The following ERC2 variants were observed in gnomAD, a reference collection of about 807,000 sequenced individuals.
ERC2 encodes ELKS/RAB6-interacting/CAST family member 2, also known as ERC protein 2.
ERC2 carries 42 observed loss-of-function variants against 114.8 expected under a neutral mutation model. That is an observed-to-expected ratio of 0.37 (90% CI 0.29 to 0.47). ERC2 has a LOEUF of 0.47. Among genes scored for constraint, ERC2 ranks in the 20% least tolerant of loss-of-function variants. The pLI, the probability that ERC2 is intolerant of heterozygous loss-of-function variation, is 0.99. For missense variants in ERC2, 939 were observed against 1,150.7 expected (o/e 0.82, Z 2.66); for synonymous variants, 454 against 425.5 (o/e 1.07, Z -0.82).
intron 4 of ERC2, among the ~76,000 whole-genome samples, chr3:56,164,171 G>A (rs2082202737): frequency 1.3e-5 from 2 of 151,912 alleles, no homozygotes; most frequent in South Asian, 4.2e-4. Context: ...GTATAATTTA[G>A]AGGTTTCTGC....
chr3:55,630,353 G>GA (rs2059700356), intron 17 of ERC2, among the ~76,000 whole-genome samples: 1 of 152,110 alleles, frequency 6.6e-6, no homozygotes, highest in Non-Finnish European at 1.5e-5. Flanking sequence ...ATTTTTAGTA[G>GA]AGACGGGGTT....
At chr3:55,669,782 A>G (rs957051030) in intron 17 of ERC2, among the ~76,000 whole-genome samples, 6 of 152,226 alleles carry the variant, frequency 3.9e-5, no homozygotes, top group Non-Finnish European at 5.9e-5. Context: ...CATAGCATGA[A>G]GTCTCCAGGG....
At chr3:56,047,033 C>T (rs571615117) in intron 7 of ERC2, among the ~76,000 whole-genome samples, 1 of 152,320 alleles carries the variant, frequency 6.6e-6, no homozygotes, top group South Asian at 2.1e-4. Flanking sequence ...CTGAAGAAAA[C>T]ATAAACCCGG....
At chr3:56,254,621 T>C (rs540624292) in intron 3 of ERC2, among the ~76,000 whole-genome samples, 1 of 152,340 alleles carries the variant, frequency 6.6e-6, no homozygotes, top group East Asian at 1.9e-4. Flanking sequence ...TGTGCTCTTA[T>C]TATGTATGTG....
At chr3:55,831,577 G>A (rs1388000400) in intron 14 of ERC2, among the ~76,000 whole-genome samples, 3 of 152,154 alleles carry the variant, frequency 2.0e-5, no homozygotes, top group Admixed American at 2.0e-4. Context: ...ATCATATCAA[G>A]GATTATAATA....
intron 3 of ERC2, among the ~76,000 whole-genome samples, chr3:56,190,493 G>C (rs1037504287): frequency 6.6e-6 from 1 of 152,184 alleles, no homozygotes; most frequent in African/African-American, 2.4e-5. Flanking sequence ...GAGTACAGTG[G>C]TGCAATCATA....
intron 9 of ERC2, among the ~76,000 whole-genome samples, chr3:56,008,211 TA>T (rs1329947709): frequency 3.3e-5 from 5 of 152,160 alleles, no homozygotes; most frequent in Non-Finnish European, 7.4e-5. Flanking sequence ...GGTCTCTCTG[TA>T]AACAACGTTG....
chr3:56,302,399 C>T lies in ERC2; in HGVS notation c.658-5964G>A, dbSNP rs980028278. ...ACCGGGTCCTATCCAGTAGTTAAAT[C>T]ACATGGAATGATCCAAGGACAATTT... On this transcript the variant is annotated intron_variant, in intron 2 of 17. Coordinates refer to ENST00000288221, the MANE Select transcript of ERC2 (RefSeq NM_015576.3). 7.9e-5 allele frequency among the ~76,000 whole-genome samples: 12 copies of T among 152,300 alleles called. No individual in the cohort carries two copies. In the East Asian group the frequency reaches 2.1e-3, roughly 27 times the overall value.
intron 4 of ERC2, among the ~76,000 whole-genome samples, chr3:56,167,646 GAAGA>G (rs2082392376): frequency 6.6e-6 from 1 of 152,062 alleles, no homozygotes; most frequent in Admixed American, 6.6e-5. Flanking sequence ...TGGAAAATGA[GAAGA>G]TAGAGAAATT....
chr3:55,644,039 G>C (rs1191787317), intron 17 of ERC2, among the ~76,000 whole-genome samples: 1 of 152,052 alleles, frequency 6.6e-6, no homozygotes, highest in African/African-American at 2.4e-5. Context: ...GGGTCAAGCA[G>C]ATGCTGAGGA....
At chr3:56,262,419 G>C (rs928723559) in intron 3 of ERC2, among the ~76,000 whole-genome samples, 16 of 152,200 alleles carry the variant, frequency 1.1e-4, no homozygotes, top group Admixed American at 9.8e-4. Context: ...TGGCAGAAGA[G>C]GAACTGCAAA....
chr3:56,172,246 T>C (rs1238392066), intron 4 of ERC2, among the ~76,000 whole-genome samples: 1 of 152,188 alleles, frequency 6.6e-6, no homozygotes, highest in Non-Finnish European at 1.5e-5. Flanking sequence ...CCTTCAAAGA[T>C]ATTTTTCAAA....
At chr3:55,760,435 T>C (rs990025663) in intron 14 of ERC2, among the ~76,000 whole-genome samples, 3 of 152,204 alleles carry the variant, frequency 2.0e-5, no homozygotes, top group African/African-American at 4.8e-5. Context: ...GAGGCAGAAG[T>C]ATTCCTTCAC....
At chr3:56,465,967 G>C (rs890914084) in intron 1 of ERC2, among the ~76,000 whole-genome samples, 3 of 152,252 alleles carry the variant, frequency 2.0e-5, no homozygotes, top group African/African-American at 7.2e-5. Flanking sequence ...CACGGCCAAG[G>C]TCATGGGCTC....
rs1037615640 is a variant in ERC2, at chr3:55,510,939, T to C, written c.*377A>G. ...TGGAGTTCAAATTTATCCAATGATG[T>C]TTAAGTAACATAAACAAAATGTTAT... On this transcript the variant is annotated 3_prime_UTR_variant, in exon 18 of 18. Transcript: ENST00000288221. 1.3e-5 allele frequency: 2 copies of C among 152,222 alleles called. No homozygotes were observed. The highest frequency in any genetic ancestry group is 2.4e-5 in the African/African-American group (1 of 41,460). The allele number at this position is 152,222 out of a possible 1,614,324, so 9.4% of individuals were successfully genotyped here.
intron 3 of ERC2, among the ~76,000 whole-genome samples, chr3:56,273,958 C>T (rs1228212109): frequency 6.6e-6 from 1 of 152,220 alleles, no homozygotes; most frequent in Non-Finnish European, 1.5e-5. Flanking sequence ...TAAATGACAT[C>T]TCTTCATGTT....
intron 17 of ERC2, among the ~76,000 whole-genome samples, chr3:55,662,572 T>C (rs999869616): frequency 3.9e-5 from 6 of 152,218 alleles, no homozygotes; most frequent in African/African-American, 9.6e-5. Flanking sequence ...TTGGGGTCTA[T>C]TGCTTCTGGG....
At chr3:55,995,672 A>G (rs1304400209) in intron 10 of ERC2, among the ~76,000 whole-genome samples, 2 of 152,156 alleles carry the variant, frequency 1.3e-5, no homozygotes, top group Non-Finnish European at 2.9e-5. Flanking sequence ...TAGGTATTGG[A>G]GGCAAAAGCC....
chr3:56,249,993 G>A (rs1350482116), intron 3 of ERC2, among the ~76,000 whole-genome samples: 1 of 151,666 alleles, frequency 6.6e-6, no homozygotes, highest in Middle Eastern at 3.2e-3. Context: ...GAGTAGCTGG[G>A]ATTACAGGCG....
Sources: allele counts gnomAD v4.1 joint callset (sites outside exome capture counted in the v4.1 genomes callset), GRCh38; gene constraint gnomAD v4.1.1; transcripts MANE v1.5; gene names NCBI Gene and HGNC (gene_info 2026-07-23, HGNC 2026-07-21).